DAB1: variants seen among roughly 807,000 people sequenced by gnomAD.
The protein encoded by DAB1 is disabled homolog 1.
In DAB1, 15 loss-of-function variants were observed where a neutral mutation model predicts 64.6. The ratio of observed to expected loss-of-function variants is 0.23; its 90% CI spans 0.16 to 0.36. The LOEUF (loss-of-function observed/expected upper bound fraction) is 0.36. Among genes scored for constraint, DAB1 ranks in the 10% least tolerant of loss-of-function variants. The probability of loss-of-function intolerance (pLI) is 1.00; values close to 1 mark genes in which losing one functional copy is unlikely to be tolerated. For synonymous variants in DAB1, 235 were observed against 251.9 expected (o/e 0.93, Z 0.64); for missense variants, 596 against 706.7 (o/e 0.84, Z 1.78).
chr1:57,116,461 CAAAAAAAA>C (rs61590002), intron 4 of DAB1, among the ~76,000 whole-genome samples: 2 of 71,972 alleles, frequency 2.8e-5, no homozygotes, highest in African/African-American at 5.5e-5. Flanking sequence ...GACTCTGTCT[CAAAAAAAA>C]AAAAAAAAAA....
intron 14 of DAB1, among the ~76,000 whole-genome samples, chr1:57,007,472 A>C (rs1337582892): frequency 6.6e-6 from 1 of 152,190 alleles, no homozygotes; most frequent in East Asian, 1.9e-4. Flanking sequence ...TTGTTGACCC[A>C]GTCTTTCAAA....
chr1:58,338,465 T>C (rs1031781636), intron 4 of DAB1, among the ~76,000 whole-genome samples: 15 of 152,244 alleles, frequency 9.9e-5, no homozygotes, highest in African/African-American at 3.4e-4. Context: ...TATTGAATCT[T>C]TAAAGGTTTT....
In DAB1 at chr1:57,837,269, T is replaced by G. The variant is rs565474409; in HGVS notation, n.88-10814A>C. Among the ~76,000 whole-genome samples the G allele has an allele frequency of 2.6e-4, 39 of 152,282 alleles. 1 individual carries two copies. In the South Asian group the frequency reaches 7.7e-3, roughly 30 times the overall value. On this transcript the variant is annotated intron_variant and non_coding_transcript_variant, in intron 1 of 1. Coordinates refer to the DAB1 transcript ENST00000477280. Reference sequence around the variant, plus strand: ...AAAACCATTCAGCGGGTGCTAAGTGTTTTTCATTATTTCCTCGTTTCCTCA... The same window carrying G: ...AAAACCATTCAGCGGGTGCTAAGTGGTTTTCATTATTTCCTCGTTTCCTCA...
intron 1 of DAB1, among the ~76,000 whole-genome samples, chr1:57,378,510 A>G (rs1681090589): frequency 6.6e-6 from 1 of 152,236 alleles, no homozygotes; most frequent in Non-Finnish European, 1.5e-5. Context: ...TTCCATAATC[A>G]TCACATGAGG....
rs892029295 is a variant in DAB1 at position 58,144,344 on chromosome 1, CCTTT to C, written n.387+6163_387+6166del. Among the ~76,000 whole-genome samples, 72 of 152,278 alleles carry C rather than the reference CCTTT, an allele frequency of 4.7e-4. 1 individual carries two copies. Among genetic ancestry groups the C allele is most frequent in the African/African-American group, 1.6e-3 (67 of 41,550 alleles). On this transcript the variant is annotated intron_variant and non_coding_transcript_variant, in intron 5 of 20. Transcript: ENST00000485760. ...TTGGCAAGTAAAGATTATCAACAGT[CCTTT>C]CTTTCTTACTTCAAAATAACAATTA...
intron 5 of DAB1, among the ~76,000 whole-genome samples, chr1:58,012,704 T>C (rs987731228): frequency 6.6e-6 from 1 of 152,122 alleles, no homozygotes; most frequent in South Asian, 2.1e-4. Flanking sequence ...AAGATAACCA[T>C]CTGCAAACTA....
intron 4 of DAB1, among the ~76,000 whole-genome samples, chr1:58,162,117 G>A (rs1655569926): frequency 6.6e-6 from 1 of 152,010 alleles, no homozygotes; most frequent in South Asian, 2.1e-4. Flanking sequence ...AAGAGAGGGA[G>A]GTATAAAGGA....
At chr1:58,172,048 C>A (rs547321408) in intron 4 of DAB1, among the ~76,000 whole-genome samples, 2 of 152,108 alleles carry the variant, frequency 1.3e-5, no homozygotes, top group African/African-American at 2.4e-5. Flanking sequence ...TATGGATCCC[C>A]GGATACAGCG....
chr1:58,364,469 C>A (rs559607671), intron 3 of DAB1, among the ~76,000 whole-genome samples: 2 of 152,310 alleles, frequency 1.3e-5, no homozygotes, highest in South Asian at 4.2e-4. Context: ...CCCAGCATAG[C>A]AGAACACAGA....
chr1:58,170,890 A>G (rs1480258511), intron 4 of DAB1, among the ~76,000 whole-genome samples: 1 of 152,066 alleles, frequency 6.6e-6, no homozygotes, highest in Non-Finnish European at 1.5e-5. Flanking sequence ...AGCCCCGGAT[A>G]TGTTTAACCA....
chr1:58,464,070 A>G (rs1645270991), intron 3 of DAB1, among the ~76,000 whole-genome samples: 1 of 152,244 alleles, frequency 6.6e-6, no homozygotes, highest in African/African-American at 2.4e-5. Flanking sequence ...TAAGGAGGAC[A>G]GTTGAAGAGC....
At chr1:58,354,898 C>T (rs185245935) in intron 3 of DAB1, among the ~76,000 whole-genome samples, 1 of 152,174 alleles carries the variant, frequency 6.6e-6, no homozygotes, top group Non-Finnish European at 1.5e-5. Flanking sequence ...CAAAATCACA[C>T]AGCTGACAAA....
At chr1:58,156,164 A>C (rs181834472) in intron 4 of DAB1, among the ~76,000 whole-genome samples, 2 of 152,316 alleles carry the variant, frequency 1.3e-5, no homozygotes, top group East Asian at 3.9e-4. Context: ...TATGCCTTAC[A>C]ATATACTTTC....
At chr1:57,964,445 C>A (rs1645602221) in intron 5 of DAB1, among the ~76,000 whole-genome samples, 1 of 152,150 alleles carries the variant, frequency 6.6e-6, no homozygotes, top group South Asian at 2.1e-4. Context: ...GCTTTGATAA[C>A]TGAGCATCAG....
intron 4 of DAB1, among the ~76,000 whole-genome samples, chr1:58,316,062 C>T (rs911665944): frequency 2.6e-5 from 4 of 152,148 alleles, no homozygotes; most frequent in African/African-American, 9.7e-5. Flanking sequence ...TGGCCATATG[C>T]AAGTAGCTTA....
chr1:57,662,076 C>T (rs1431037483), intron 6 of DAB1, among the ~76,000 whole-genome samples: 1 of 152,160 alleles, frequency 6.6e-6, no homozygotes, highest in Non-Finnish European at 1.5e-5. Flanking sequence ...AGATTCCTGG[C>T]TGCTCAGGGT....
At chr1:57,687,613 A>AAAAAAAAAAAAAAAAAAAAC (rs1646715779) in intron 6 of DAB1, among the ~76,000 whole-genome samples, 1 of 149,846 alleles carries the variant, frequency 6.7e-6, no homozygotes, top group African/African-American at 2.4e-5. Flanking sequence ...AAAAAAAAAA[A>AAAAAAAAAAAAAAAAAAAAC]AAAAAAGAAA....
intron 2 of DAB1, among the ~76,000 whole-genome samples, chr1:58,507,843 C>T (rs1646013341): frequency 6.6e-6 from 1 of 152,078 alleles, no homozygotes; most frequent in Non-Finnish European, 1.5e-5. Context: ...AAGTATTCTT[C>T]TCAAATAATT....
chr1:57,521,803 G>C (rs1460832144), intron 7 of DAB1, among the ~76,000 whole-genome samples: 3 of 152,114 alleles, frequency 2.0e-5, no homozygotes, highest in Non-Finnish European at 4.4e-5. Context: ...TACAGAGGGG[G>C]TATCAAAGAG....
Sources: allele counts gnomAD v4.1 joint callset (sites outside exome capture counted in the v4.1 genomes callset), GRCh38; gene constraint gnomAD v4.1.1; transcripts MANE v1.5; gene names NCBI Gene and HGNC (gene_info 2026-07-23, HGNC 2026-07-21).